CTIF: variants seen among roughly 807,000 people sequenced by gnomAD.
CTIF encodes CBP80/20-dependent translation initiation factor.
In CTIF, 21 loss-of-function variants were observed where a neutral mutation model predicts 66.0. That is an observed-to-expected ratio of 0.32 (90% confidence interval 0.23 to 0.46). The LOEUF (loss-of-function observed/expected upper bound fraction) is 0.46. Ranked by LOEUF, CTIF falls within the 20% of genes least tolerant of loss-of-function variation. The probability of loss-of-function intolerance (pLI) is 1.00; values close to 1 mark genes in which losing one functional copy is unlikely to be tolerated. For missense variants in CTIF, 739 were observed against 812.7 expected, an observed-to-expected ratio of 0.91 and a Z score of 1.10; for synonymous variants, 345 against 326.4, an observed-to-expected ratio of 1.06 and a Z score of -0.62.
At chr18:48,641,041 C>T (rs1460967556) in intron 3 of CTIF, among the ~76,000 whole-genome samples, 2 of 152,182 alleles carry the variant, frequency 1.3e-5, no homozygotes, top group African/African-American at 2.4e-5. Flanking sequence ...GCCTGACATC[C>T]TGGCATCCTC....
intron 8 of CTIF, 124 bp downstream of exon 8, chr18:48,758,529 G>A: frequency 8.0e-7 from 1 of 1,252,898 alleles, no homozygotes; most frequent in South Asian, 1.5e-5. Context: ...CATGTACAGG[G>A]AAGCAGGGGC....
chr18:48,692,074 G>A (rs112551990), intron 6 of CTIF, among the ~76,000 whole-genome samples: 3,040 of 152,230 alleles, frequency 0.02, 33 homozygotes, highest in Middle Eastern at 0.048. Context: ...TAGAGATGGG[G>A]TTTTGCCATG....
chr18:48,664,554 A>G lies in CTIF; in HGVS notation c.431+3A>G, dbSNP rs763898715. Reference sequence around the variant, plus strand: ...CTGCCACACATCGACCGCGAAGGGTAAGGGGTGCTGGGGCTCTTACCCAGG... The same window carrying G: ...CTGCCACACATCGACCGCGAAGGGTGAGGGGTGCTGGGGCTCTTACCCAGG... On this transcript the variant is annotated splice_donor_region_variant and intron_variant, in intron 5 of 11. Coordinates refer to ENST00000256413, the MANE Select transcript of CTIF (RefSeq NM_014772.3). 8 of 1,609,886 alleles carry G rather than the reference A, an allele frequency of 5.0e-6. No homozygotes were observed. The Admixed American group carries it at 1.3e-4, about 27-fold the overall frequency.
At chr18:48,607,254 G>T (rs1162100157) in intron 1 of CTIF, among the ~76,000 whole-genome samples, 1 of 152,170 alleles carries the variant, frequency 6.6e-6, no homozygotes, top group Non-Finnish European at 1.5e-5. Context: ...GCCTCCCTGT[G>T]GTTCGTAGAG....
At chr18:48,574,995 G>T (rs866147472) in intron 1 of CTIF, among the ~76,000 whole-genome samples, 1 of 152,210 alleles carries the variant, frequency 6.6e-6, no homozygotes, top group African/African-American at 2.4e-5. Context: ...GTGATGACAG[G>T]TGTTGGGAAC....
At chr18:48,711,063 G>C (rs942528871) in intron 6 of CTIF, among the ~76,000 whole-genome samples, 4 of 152,214 alleles carry the variant, frequency 2.6e-5, no homozygotes, top group Non-Finnish European at 5.9e-5. Flanking sequence ...TATAGGGAAA[G>C]AAGATCTTGG....
intron 9 of CTIF, among the ~76,000 whole-genome samples, chr18:48,768,018 C>T (rs915034687): frequency 6.6e-6 from 1 of 152,116 alleles, no homozygotes; most frequent in Non-Finnish European, 1.5e-5. Context: ...GTGTTGCCCC[C>T]ACTTCTACCC....
At chr18:48,857,702 A>T in intron 11 of CTIF, 61 bp downstream of exon 11, 1 of 1,505,518 alleles carries the variant, frequency 6.6e-7, no homozygotes, top group Non-Finnish European at 9.0e-7. Flanking sequence ...ATGCCTTAAC[A>T]GTTCTAGGGG....
In CTIF at chr18:48,565,115, G is replaced by A. The variant is rs57646549; in HGVS notation, c.-29+25803G>A. ...ATAATTTTGCATATTTAATTAACTC[G>A]GGTCTTGATTTGTCTCCGGTCCTGT... On this transcript the variant is annotated intron_variant, in intron 1 of 11. Transcript: ENST00000256413. 280 of 151,380 alleles carry A rather than the reference G, an allele frequency of 1.8e-3. 2 individuals carry two copies. Among genetic ancestry groups the A allele is most frequent in the African/African-American group, 6.6e-3 (271 of 41,242 alleles). The allele number at this position is 151,380 out of a possible 1,614,324, so 9.4% of individuals were successfully genotyped here. A position where few individuals can be genotyped will look rare whatever the true frequency, so the allele number is the denominator to read the frequency against.
intron 1 of CTIF, among the ~76,000 whole-genome samples, chr18:48,601,412 A>G (rs2090088255): frequency 6.6e-6 from 1 of 152,220 alleles, no homozygotes; most frequent in Non-Finnish European, 1.5e-5. Context: ...TGGGTTTGGC[A>G]AGGGCGTTGC....
intron 6 of CTIF, among the ~76,000 whole-genome samples, chr18:48,711,190 T>A (rs1340052011): frequency 6.6e-6 from 1 of 152,154 alleles, no homozygotes; most frequent in Non-Finnish European, 1.5e-5. Flanking sequence ...AGAAGAAGGG[T>A]AACATTCCCA....
intron 9 of CTIF, among the ~76,000 whole-genome samples, chr18:48,775,055 C>T (rs1266069208): frequency 3.3e-5 from 5 of 152,190 alleles, no homozygotes; most frequent in African/African-American, 1.2e-4. Context: ...GCCATAGACC[C>T]TTCCTTTAAT....
At chr18:48,580,366 G>A (rs2089627829) in intron 1 of CTIF, among the ~76,000 whole-genome samples, 1 of 152,118 alleles carries the variant, frequency 6.6e-6, no homozygotes, top group African/African-American at 2.4e-5. Flanking sequence ...CCCTTCCTCC[G>A]TTCCAAGATA....
chr18:48,672,620 G>A (rs1209177470), intron 6 of CTIF, among the ~76,000 whole-genome samples: 1 of 152,100 alleles, frequency 6.6e-6, no homozygotes, highest in Admixed American at 6.5e-5. Flanking sequence ...CAAAAATCAG[G>A]GCTGGCCTCC....
At chr18:48,739,544 TC>T (rs1439598509) in intron 7 of CTIF, among the ~76,000 whole-genome samples, 1 of 152,204 alleles carries the variant, frequency 6.6e-6, no homozygotes, top group Non-Finnish European at 1.5e-5. Flanking sequence ...CTCTGCCTCT[TC>T]CCAGTCACTT....
intron 1 of CTIF, among the ~76,000 whole-genome samples, chr18:48,548,865 GCTGCCCAT>G (rs1348538188): frequency 6.6e-6 from 1 of 152,236 alleles, no homozygotes; most frequent in Non-Finnish European, 1.5e-5. Flanking sequence ...CAGGGTCCCT[GCTGCCCAT>G]CTGCCCATCT....
rs117048160 is a variant in CTIF at position 48,605,649 on chromosome 18, G to T, written c.-28-13889G>T. On this transcript the variant is annotated intron_variant, in intron 1 of 11. Transcript: ENST00000256413. ...AGCCATCAGGAGCTGCCCCCTGTGG[G>T]CTCTCTGCTGCAAGGCATCTGGCTG... Among the ~76,000 whole-genome samples the T allele has an allele frequency of 7.9e-3, 1,206 of 152,308 alleles. 12 individuals carry two copies. Among genetic ancestry groups the T allele is most frequent in the Middle Eastern group, 0.014 (4 of 294 alleles).
In CTIF at chr18:48,810,639, A is replaced by G. The variant is rs8087828; in HGVS notation, c.1372-6582A>G. ...AAATCACCTAAGTCATTTGTTTTTTATTCATTTAATCGGCCATAGAATGTT... is the reference window on the plus strand; with the variant it reads ...AAATCACCTAAGTCATTTGTTTTTTGTTCATTTAATCGGCCATAGAATGTT... On this transcript the variant is annotated intron_variant, in intron 9 of 11. Coordinates refer to ENST00000256413, the MANE Select transcript of CTIF (RefSeq NM_014772.3). Among the ~76,000 whole-genome samples, 587 of 151,748 alleles carry G rather than the reference A, an allele frequency of 3.9e-3. 3 individuals carry two copies. The highest frequency in any genetic ancestry group is 0.014 in the African/African-American group (574 of 41,502).
At chr18:48,748,296 C>T (rs373698900) in intron 7 of CTIF, among the ~76,000 whole-genome samples, 9 of 152,068 alleles carry the variant, frequency 5.9e-5, no homozygotes, top group African/African-American at 9.6e-5. Flanking sequence ...AGCATGTGTG[C>T]CCCCAGCAGG....
Sources: gnomAD v4.1 joint callset for allele counts (sites outside exome capture counted in the v4.1 genomes callset) on GRCh38, gnomAD v4.1.1 for gene constraint, MANE v1.5 for transcripts, NCBI Gene and HGNC (gene_info 2026-07-23, HGNC 2026-07-21) for gene names.